Variants in SLC17A4 observed in about 807,000 individuals in gnomAD.
The protein encoded by SLC17A4 is probable small intestine urate exporter.
Under a neutral mutation model 52.5 loss-of-function variants are expected in SLC17A4, and 33 were observed. The observed-to-expected ratio is 0.63, with a 90% CI of 0.48 to 0.84. The LOEUF (loss-of-function observed/expected upper bound fraction) is 0.84. Ranked by LOEUF, SLC17A4 falls within the 40% of genes least tolerant of loss-of-function variation. SLC17A4 has a pLI of 0.00. For missense variants in SLC17A4, 585 were observed against 597.1 expected (o/e 0.98, Z 0.21); for synonymous variants, 225 against 216.2 (o/e 1.04, Z -0.36).
chr6:25,777,606 CAAA>C (rs1010031410), intron 10 of SLC17A4: 3 of 197,500 alleles, frequency 1.5e-5, no homozygotes, highest in African/African-American at 2.6e-5. Flanking sequence ...ACAACAACAA[CAAA>C]AACCTTACAA....
chr6:25,761,414 T>G (rs1761518166), intron 1 of SLC17A4, among the ~76,000 whole-genome samples: 1 of 152,190 alleles, frequency 6.6e-6, no homozygotes, highest in South Asian at 2.1e-4. Flanking sequence ...AATTGATGCT[T>G]CTGTGACCCA....
At chr6:25,768,017 A>G (rs369049143) in intron 2 of SLC17A4, among the ~76,000 whole-genome samples, 9 of 152,230 alleles carry the variant, frequency 5.9e-5, no homozygotes, top group East Asian at 3.8e-4. Flanking sequence ...CAATACTGGT[A>G]CATGGGTAGG....
intron 6 of SLC17A4, among the ~76,000 whole-genome samples, chr6:25,772,688 GAAGAT>G (rs1275028708): frequency 6.6e-6 from 1 of 152,130 alleles, no homozygotes; most frequent in Non-Finnish European, 1.5e-5. Context: ...GTGCTTTGAG[GAAGAT>G]AAGAGATAGA....
intron 2 of SLC17A4, chr6:25,768,297 A>G (rs1209520161): frequency 6.9e-6 from 6 of 863,778 alleles, no homozygotes; most frequent in Non-Finnish European, 8.3e-6. Context: ...GCATCTTCAT[A>G]CCTTGTGATC....
Position 25,754,986 on chromosome 6 carries a change from C to CT in SLC17A4, c.-37+205_-37+206insT, listed in dbSNP as rs1443401256. 2.5e-3 allele frequency among the ~76,000 whole-genome samples: 382 copies of CT among 150,212 alleles called. 2 individuals carry two copies. The highest frequency in any genetic ancestry group is 8.7e-3 in the African/African-American group (353 of 40,792). ...GCCCTGGAACTACAGGGAATTAATT[C>CT]AAGAGAATGAAATTTTCTAAAAGTA... On this transcript the variant is annotated intron_variant, in intron 1 of 11. Transcript: ENST00000377905.
At chr6:25,757,993 T>C (rs1387983960) in intron 1 of SLC17A4, among the ~76,000 whole-genome samples, 1 of 152,172 alleles carries the variant, frequency 6.6e-6, no homozygotes, top group Non-Finnish European at 1.5e-5. Flanking sequence ...CCGTATCTGG[T>C]TCACAAGGGA....
rs555216672 is a variant in SLC17A4, at chr6:25,778,525, T to TATTC, written c.1360-515_1360-512dup. 2.0e-3 allele frequency among the ~76,000 whole-genome samples: 311 copies of TATTC among 152,304 alleles called. 4 individuals are homozygous for TATTC. The highest frequency in any genetic ancestry group is 7.1e-3 in the African/African-American group (296 of 41,572). On this transcript the variant is annotated intron_variant, in intron 11 of 11. Transcript: ENST00000377905. The stretch of plus-strand genomic sequence containing the variant: ...TTGTTTCTCCTGTCATTCAATGACT[T>TATTC]ATTCATTCATTCATTCAATAAATAT...
In SLC17A4 at chr6:25,779,299, T is replaced by A. The variant is rs1217308967; in HGVS notation, c.*111T>A. On this transcript the variant is annotated 3_prime_UTR_variant, in exon 12 of 12. Transcript: ENST00000377905. Reference sequence around the variant, plus strand: ...GATAAGCCATTAGCTAGACCCTGACTATGTAACGCTAAAGATTTTACCATG... The same window carrying A: ...GATAAGCCATTAGCTAGACCCTGACAATGTAACGCTAAAGATTTTACCATG... The A allele has an allele frequency of 1.4e-6, 2 of 1,424,368 alleles. No individual in the cohort carries two copies. Among genetic ancestry groups the A allele is most frequent in the Non-Finnish European group, 1.9e-6 (2 of 1,053,456 alleles). 88.2% of individuals were successfully genotyped at this position (1,424,368 alleles called of 1,614,324 possible).
intron 2 of SLC17A4, among the ~76,000 whole-genome samples, chr6:25,766,271 T>A (rs1561801580): frequency 2.0e-5 from 3 of 151,820 alleles, no homozygotes; most frequent in Admixed American, 6.6e-5. Flanking sequence ...AAAAAGTTAT[T>A]CCTTTTAAAA....
intron 2 of SLC17A4, among the ~76,000 whole-genome samples, chr6:25,763,759 C>T (rs891935215): frequency 6.6e-6 from 1 of 152,160 alleles, no homozygotes; most frequent in African/African-American, 2.4e-5. Flanking sequence ...GCCTGAAGAT[C>T]AGTAGTTTTT....
intron 1 of SLC17A4, among the ~76,000 whole-genome samples, chr6:25,758,822 T>C (rs1307772487): frequency 6.6e-6 from 1 of 152,224 alleles, no homozygotes; most frequent in Non-Finnish European, 1.5e-5. Context: ...CTTGGTTATT[T>C]CTTTTCTTCT....
At chr6:25,776,205 G>C (rs528238443) in intron 8 of SLC17A4, among the ~76,000 whole-genome samples, 2 of 151,964 alleles carry the variant, frequency 1.3e-5, no homozygotes, top group Non-Finnish European at 2.9e-5. Context: ...TCTCACCATA[G>C]TTTTACTTTG....
chr6:25,762,175 T>A lies in SLC17A4; in HGVS notation c.91+122T>A, dbSNP rs1403525123. On this transcript the variant is annotated intron_variant, in intron 2 of 11. Transcript: ENST00000377905. ...TGTTGATACACATCATTTTCCTTGC[T>A]ACCACCAATTGCCAATAATTCTATA... 5 of 731,450 alleles carry A rather than the reference T, an allele frequency of 6.8e-6. No homozygotes were observed. The African/African-American group carries it at 8.9e-5, about 13-fold the overall frequency. 45.3% of individuals were successfully genotyped at this position (731,450 alleles called of 1,614,324 possible).
At position 25,773,497 on chromosome 6, in the gene SLC17A4, G is replaced by A. The variant is rs779839347; in HGVS notation, c.826-16G>A. 6 of 1,613,564 alleles carry A rather than the reference G, an allele frequency of 3.7e-6. No individual in the cohort carries two copies. In the Admixed American group the frequency reaches 8.3e-5, roughly 22 times the overall value. ...GCCTTCTGACGGAGGGGACATTGATGTGTGCTTTCTTCCAGGACTGTTCAC... is the reference window on the plus strand; with the variant it reads ...GCCTTCTGACGGAGGGGACATTGATATGTGCTTTCTTCCAGGACTGTTCAC... On this transcript the variant is annotated splice_polypyrimidine_tract_variant and intron_variant, in intron 7 of 11. Coordinates refer to ENST00000377905, the MANE Select transcript of SLC17A4 (RefSeq NM_005495.3).
chr6:25,773,197 A>G, intron 6 of SLC17A4, 78 bp from the exon 7 acceptor site: 1 of 1,131,162 alleles, frequency 8.8e-7, no homozygotes, highest in Admixed American at 1.7e-5. Flanking sequence ...CACTCTGTCA[A>G]CCACAGGAAT....
intron 8 of SLC17A4, 101 bp downstream of exon 8, chr6:25,773,775 GA>G: frequency 7.7e-7 from 1 of 1,298,284 alleles, no homozygotes; most frequent in Non-Finnish European, 1.1e-6. Context: ...AAAATCGGGG[GA>G]TTAGGACCAG....
At chr6:25,765,021 C>T (rs1367409731) in intron 2 of SLC17A4, among the ~76,000 whole-genome samples, 2 of 152,194 alleles carry the variant, frequency 1.3e-5, no homozygotes, top group Non-Finnish European at 2.9e-5. Context: ...ACATACACCA[C>T]CACATTATAG....
rs181670269 is a variant in SLC17A4 at position 25,771,004 on chromosome 6, A to C, written c.698A>C (p.Tyr233Ser). ...CQTIGWPYVF[Y>S]IFGGIGCACC... ...ACCATAGGATGGCCTTACGTCTTCT[A>C]TATCTTTGGTGAGTGTGCTTTTCAA... The change falls in exon 6 of 12, where the codon TAT (tyrosine) becomes TCT (serine). Residue 233 changes from tyrosine to serine, a missense_variant. By Grantham distance (144) the Tyr-to-Ser change is moderately radical. Transcript: ENST00000377905. 6.2e-7 allele frequency: 1 copy of C among 1,613,466 alleles called. No homozygotes were observed. The highest frequency in any genetic ancestry group is 8.5e-7 in the Non-Finnish European group (1 of 1,179,494).
chr6:25,778,716 G>A (rs1408716184), intron 11 of SLC17A4, among the ~76,000 whole-genome samples: 1 of 152,206 alleles, frequency 6.6e-6, no homozygotes, highest in Non-Finnish European at 1.5e-5. Flanking sequence ...ATGCTAAGAG[G>A]AGAATAAAGC....
Sources: allele counts gnomAD v4.1 joint callset (sites outside exome capture counted in the v4.1 genomes callset), GRCh38; gene constraint gnomAD v4.1.1; transcripts MANE v1.5; gene names NCBI Gene and HGNC (gene_info 2026-07-23, HGNC 2026-07-21).